ARHGAP23: variants seen among roughly 807,000 people sequenced by gnomAD.
ARHGAP23 encodes the protein rho GTPase-activating protein 23.
A neutral mutation model predicts 136.3 loss-of-function variants in ARHGAP23; 34 were observed. The observed-to-expected ratio is 0.25, with a 90% CI of 0.19 to 0.33. ARHGAP23 has a LOEUF of 0.33. Ranked by LOEUF, ARHGAP23 falls within the 10% of genes least tolerant of loss-of-function variation. ARHGAP23 has a pLI of 1.00. For synonymous variants in ARHGAP23, 832 were observed against 920.5 expected (o/e 0.90, Z 1.74); for missense variants, 1,808 against 2,139.0 (o/e 0.85, Z 3.05).
At chr17:38,457,683 T>G in intron 1 of ARHGAP23, 1 of 215,870 alleles carries the variant, frequency 4.6e-6, no homozygotes, top group Non-Finnish European at 9.2e-6. Flanking sequence ...TATCTGGGAG[T>G]GCATATATGT....
At chr17:38,502,942 G>A (rs746471115) in intron 23 of ARHGAP23, among the ~76,000 whole-genome samples, 2 of 152,198 alleles carry the variant, frequency 1.3e-5, no homozygotes, top group Non-Finnish European at 2.9e-5. Flanking sequence ...CTACTTGGGA[G>A]GCTGAGGCAG....
chr17:38,442,159 A>T (rs1484686143), intron 1 of ARHGAP23, among the ~76,000 whole-genome samples: 1 of 152,000 alleles, frequency 6.6e-6, no homozygotes, highest in Admixed American at 6.6e-5. Flanking sequence ...GGGTCTTACT[A>T]TGTTGACCAG....
chr17:38,498,896 ACC>A (rs1353790100), intron 22 of ARHGAP23: 1 of 381,326 alleles, frequency 2.6e-6, no homozygotes, highest in African/African-American at 4.7e-5. Flanking sequence ...CTCTCCTCCC[ACC>A]CCCTTCTCTT....
In ARHGAP23 at chr17:38,437,411, C is replaced by T. The variant is rs145157583; in HGVS notation, c.63+8863C>T. Among the ~76,000 whole-genome samples the T allele has an allele frequency of 3.0e-3, 453 of 152,088 alleles. 2 individuals are homozygous for T. Among genetic ancestry groups the T allele is most frequent in the African/African-American group, 9.9e-3 (411 of 41,480 alleles). Reference sequence around the variant, plus strand: ...AAAGTATTGGGATTACAGGCATGAACCAAAGATCAATTTGAGACCAACATG... The same window carrying T: ...AAAGTATTGGGATTACAGGCATGAATCAAAGATCAATTTGAGACCAACATG... On this transcript the variant is annotated intron_variant, in intron 1 of 23. Transcript: ENST00000622683.
chr17:38,468,390 G>A (rs891263584), intron 7 of ARHGAP23, among the ~76,000 whole-genome samples: 2 of 152,188 alleles, frequency 1.3e-5, no homozygotes, highest in African/African-American at 4.8e-5. Context: ...GAGTGAGAGG[G>A]GGACAAAGTT....
In ARHGAP23 at chr17:38,463,183, C is replaced by G; in HGVS notation, c.415C>G (p.Leu139Val). Residue 139 changes from leucine to valine, a missense_variant, in exon 5 of 24, where the codon CTG becomes GTG. This residue lies in a region of ARHGAP23 where 859 missense variants were observed against 936.4 expected (regional missense o/e 0.92). Coordinates refer to ENST00000622683, the MANE Select transcript of ARHGAP23 (RefSeq NM_001199417.2). The part of the protein sequence containing the change: ...IGKTYSQVIA[L>V]IQNSDDTLEL... ...GAAGACCTACTCTCAGGTCATAGCT[C>G]TGATCCAGAATAGGTGAGTGTCCCT... The G allele has an allele frequency of 6.4e-7, 1 of 1,551,560 alleles. No homozygotes were observed. The highest frequency in any genetic ancestry group is 8.7e-7 in the Non-Finnish European group (1 of 1,146,912).
chr17:38,429,835 C>A (rs957489728), intron 1 of ARHGAP23, among the ~76,000 whole-genome samples: 3 of 152,206 alleles, frequency 2.0e-5, no homozygotes, highest in African/African-American at 7.2e-5. Context: ...TGCGGCCTAG[C>A]TGGGGGTGAG....
At chr17:38,490,218 G>C (rs1451583708) in intron 18 of ARHGAP23, 43 bp downstream of exon 18, 3 of 1,533,520 alleles carry the variant, frequency 2.0e-6, no homozygotes, top group Non-Finnish European at 1.8e-6. Context: ...TGGGGCAGCT[G>C]CCTGAGCACC....
At chr17:38,446,631 G>A (rs1677516564) in intron 1 of ARHGAP23, among the ~76,000 whole-genome samples, 2 of 138,806 alleles carry the variant, frequency 1.4e-5, no homozygotes, top group Admixed American at 7.4e-5. Context: ...TTTTTTTTGA[G>A]ACGGAGTTTC....
At chr17:38,506,763 A>C (rs999618308) in intron 23 of ARHGAP23, among the ~76,000 whole-genome samples, 5 of 152,102 alleles carry the variant, frequency 3.3e-5, no homozygotes, top group African/African-American at 1.2e-4. Flanking sequence ...CCACCTCCAA[A>C]CTGGGGGTTA....
intron 1 of ARHGAP23, among the ~76,000 whole-genome samples, chr17:38,439,231 G>C (rs1413458921): frequency 6.6e-6 from 1 of 150,996 alleles, no homozygotes; most frequent in Non-Finnish European, 1.5e-5. Flanking sequence ...CCAGAAACTT[G>C]CTGTACCGTC....
chr17:38,460,214 T>A (rs965985968), intron 2 of ARHGAP23, among the ~76,000 whole-genome samples: 4 of 152,194 alleles, frequency 2.6e-5, no homozygotes, highest in African/African-American at 9.6e-5. Flanking sequence ...CTTGACACCC[T>A]GCACCCAGGT....
intron 23 of ARHGAP23, among the ~76,000 whole-genome samples, chr17:38,507,198 C>T (rs555740105): frequency 4.0e-5 from 6 of 151,718 alleles, no homozygotes; most frequent in South Asian, 2.1e-4. Context: ...TGCTTGAACC[C>T]GGGAAGCAGA....
In ARHGAP23 at chr17:38,429,305, C is replaced by G. The variant is rs557375571; in HGVS notation, c.63+757C>G. Among the ~76,000 whole-genome samples the G allele has an allele frequency of 1.8e-4, 27 of 152,358 alleles. No individual in the cohort carries two copies. In the South Asian group the frequency reaches 5.6e-3, roughly 32 times the overall value. ...TGGGGAGGGGCCAGCAGGGGCCTCCCAGCCCCATCCCCCCATCAGGGCCAT... is the reference window on the plus strand; with the variant it reads ...TGGGGAGGGGCCAGCAGGGGCCTCCGAGCCCCATCCCCCCATCAGGGCCAT... On this transcript the variant is annotated intron_variant, in intron 1 of 23. Coordinates refer to ENST00000622683, the MANE Select transcript of ARHGAP23 (RefSeq NM_001199417.2).
chr17:38,489,994 C>T (rs1381965567), intron 17 of ARHGAP23, 108 bp from the exon 18 acceptor site: 4 of 1,046,184 alleles, frequency 3.8e-6, no homozygotes, highest in Admixed American at 2.0e-5. Flanking sequence ...CGCTGGAGCC[C>T]CCGAACTGGA....
At chr17:38,428,618 C>T in intron 1 of ARHGAP23, 70 bp downstream of exon 1, 6 of 1,093,704 alleles carry the variant, frequency 5.5e-6, no homozygotes, top group Non-Finnish European at 7.2e-6. Flanking sequence ...AAGCCAGGGT[C>T]GCTGCGACCC....
intron 16 of ARHGAP23, among the ~76,000 whole-genome samples, chr17:38,483,833 G>A (rs1015208587): frequency 4.6e-5 from 7 of 152,164 alleles, no homozygotes; most frequent in Non-Finnish European, 1.0e-4. Flanking sequence ...AGGTGGACGG[G>A]AAGCCTTTCG....
intron 1 of ARHGAP23, among the ~76,000 whole-genome samples, chr17:38,419,897 C>T (rs1319782595): frequency 6.6e-6 from 1 of 152,146 alleles, no homozygotes; most frequent in Non-Finnish European, 1.5e-5. Flanking sequence ...CAAGGGGTTT[C>T]TTCCAGCCCG....
At chr17:38,471,518 G>A (rs1375307187) in intron 10 of ARHGAP23, among the ~76,000 whole-genome samples, 1 of 152,102 alleles carries the variant, frequency 6.6e-6, no homozygotes, top group Non-Finnish European at 1.5e-5. Flanking sequence ...CACTTCCCCT[G>A]TTTATTTAAC....
Sources: allele counts gnomAD v4.1 joint callset (sites outside exome capture counted in the v4.1 genomes callset), GRCh38; gene constraint gnomAD v4.1.1; regional missense constraint gnomAD v4.1.1; transcripts MANE v1.5; gene names NCBI Gene and HGNC (gene_info 2026-07-23, HGNC 2026-07-21).